DNAJC1: variants seen among roughly 807,000 people sequenced by gnomAD.
The protein encoded by DNAJC1 is dnaJ homolog subfamily C member 1.
A neutral mutation model predicts 76.6 loss-of-function variants in DNAJC1; 58 were observed. That is an observed-to-expected ratio of 0.76 (90% CI 0.61 to 0.94). DNAJC1 has a LOEUF of 0.94. Ranked by LOEUF, DNAJC1 falls within the 40% of genes least tolerant of loss-of-function variation. The probability of loss-of-function intolerance (pLI) is 0.00; values close to 1 mark genes in which losing one functional copy is unlikely to be tolerated. For missense variants in DNAJC1, 689 were observed against 677.3 expected, an observed-to-expected ratio of 1.02 and a Z score of -0.19; for synonymous variants, 258 against 267.9, an observed-to-expected ratio of 0.96 and a Z score of 0.36.
intron 6 of DNAJC1, among the ~76,000 whole-genome samples, chr10:21,905,190 T>A (rs77736302): frequency 1.3e-3 from 203 of 151,798 alleles, no homozygotes; most frequent in Non-Finnish European, 2.5e-3. Flanking sequence ...ATACATATAC[T>A]TAGGTGTCAA....
intron 8 of DNAJC1, among the ~76,000 whole-genome samples, chr10:21,835,765 A>T (rs1835441535): frequency 6.6e-6 from 1 of 152,164 alleles, no homozygotes; most frequent in African/African-American, 2.4e-5. Context: ...GCGAGAAGAG[A>T]AGTTTACATA....
At chr10:21,855,033 C>T (rs947937225) in intron 8 of DNAJC1, among the ~76,000 whole-genome samples, 2 of 152,060 alleles carry the variant, frequency 1.3e-5, no homozygotes, top group African/African-American at 4.8e-5. Flanking sequence ...ACCATAGTTC[C>T]ATTAATTCTT....
intron 3 of DNAJC1, among the ~76,000 whole-genome samples, chr10:21,925,185 T>G (rs1278135373): frequency 1.3e-5 from 2 of 152,086 alleles, no homozygotes; most frequent in African/African-American, 4.8e-5. Flanking sequence ...GTAATTTTTT[T>G]ATTTTTTGTA....
chr10:21,986,586 T>C (rs1433312546), intron 1 of DNAJC1, among the ~76,000 whole-genome samples: 1 of 152,150 alleles, frequency 6.6e-6, no homozygotes, highest in South Asian at 2.1e-4. Flanking sequence ...TTATTCTCTA[T>C]CTGGGATGAT....
chr10:21,892,111 T>C (rs1836471569), intron 7 of DNAJC1, among the ~76,000 whole-genome samples: 1 of 152,018 alleles, frequency 6.6e-6, no homozygotes, highest in Non-Finnish European at 1.5e-5. Context: ...ATGTTATGTA[T>C]ATATAACATA....
intron 1 of DNAJC1, among the ~76,000 whole-genome samples, chr10:21,956,558 T>C (rs1274208964): frequency 6.6e-6 from 1 of 150,718 alleles, no homozygotes; most frequent in African/African-American, 2.4e-5. Flanking sequence ...CACATACATA[T>C]ATAAATACAT....
At chr10:21,959,620 T>C (rs1309167013) in intron 1 of DNAJC1, among the ~76,000 whole-genome samples, 1 of 151,370 alleles carries the variant, frequency 6.6e-6, no homozygotes, top group Non-Finnish European at 1.5e-5. Flanking sequence ...ACTCTGTCTC[T>C]ACTGAAAATA....
chr10:21,849,110 C>G (rs1835707103), intron 8 of DNAJC1, among the ~76,000 whole-genome samples: 1 of 151,252 alleles, frequency 6.6e-6, no homozygotes, highest in Non-Finnish European at 1.5e-5. Context: ...GCCAACATGA[C>G]AAAACCCTGT....
Position 22,003,569 on chromosome 10 carries a change from G to A in DNAJC1, c.-135C>T. 2.7e-6 allele frequency: 3 copies of A among 1,114,142 alleles called. No individual in the cohort carries two copies. Among genetic ancestry groups the A allele is most frequent in the South Asian group, 3.1e-5 (1 of 31,904 alleles). 69.0% of individuals were successfully genotyped at this position (1,114,142 alleles called of 1,614,324 possible). ...GCAGGCGCACCGGAGCGGCCCGCCA[G>A]GTGGCTGGCCCCAGACAGAGCGCGG... On this transcript the variant is annotated 5_prime_UTR_variant, in exon 1 of 12. Coordinates refer to ENST00000376980, the MANE Select transcript of DNAJC1 (RefSeq NM_022365.4).
rs774119328 is a variant in DNAJC1 at position 21,904,639 on chromosome 10, T to G, written c.730-27A>C. The G allele has an allele frequency of 2.1e-6, 3 of 1,419,942 alleles. No homozygotes were observed. The South Asian group carries it at 3.7e-5, about 18-fold the overall frequency. The allele number at this position is 1,419,942 out of a possible 1,614,324, so 88.0% of individuals were successfully genotyped here. ...TTAAGAAAAAAAGTTATACATAAATTAACATAAAAATCAGTGTGCTTCAAT... is the reference window on the plus strand; with the variant it reads ...TTAAGAAAAAAAGTTATACATAAATGAACATAAAAATCAGTGTGCTTCAAT... On this transcript the variant is annotated intron_variant, in intron 6 of 11. Coordinates refer to ENST00000376980, the MANE Select transcript of DNAJC1 (RefSeq NM_022365.4).
At chr10:21,834,950 G>C (rs1835424988) in intron 8 of DNAJC1, among the ~76,000 whole-genome samples, 1 of 152,206 alleles carries the variant, frequency 6.6e-6, no homozygotes, top group South Asian at 2.1e-4. Context: ...AGACTTAAAT[G>C]TCCCACTCTG....
At chr10:21,871,827 G>GT (rs1836109523) in intron 8 of DNAJC1, among the ~76,000 whole-genome samples, 1 of 151,754 alleles carries the variant, frequency 6.6e-6, no homozygotes. Flanking sequence ...TAGAGAGAGG[G>GT]TTTCACCATG....
At position 21,878,504 on chromosome 10, in the gene DNAJC1, GT is replaced by G. The variant is rs1238546435; in HGVS notation, c.978+3777del. ...CCATGTACAGTAAGTAGTTGTGTATGTTTTGATAAGTTTTAACTTTTTATGA... is the reference window on the plus strand; with the variant it reads ...CCATGTACAGTAAGTAGTTGTGTATGTTTGATAAGTTTTAACTTTTTATGA... On this transcript the variant is annotated intron_variant, in intron 8 of 11. Coordinates refer to ENST00000376980, the MANE Select transcript of DNAJC1 (RefSeq NM_022365.4). 5.9e-5 allele frequency among the ~76,000 whole-genome samples: 9 copies of G among 152,200 alleles called. No homozygotes were observed. The East Asian group carries it at 1.5e-3, about 26-fold the overall frequency.
At chr10:21,941,283 A>AC (rs1837406791) in intron 1 of DNAJC1, among the ~76,000 whole-genome samples, 1 of 149,626 alleles carries the variant, frequency 6.7e-6, no homozygotes, top group Non-Finnish European at 1.5e-5. Context: ...AAAAAAAAAA[A>AC]AAAAAAAAAC....
intron 6 of DNAJC1, 127 bp downstream of exon 6, chr10:21,918,652 C>A: frequency 6.6e-6 from 4 of 608,130 alleles, no homozygotes; most frequent in East Asian, 2.9e-5. Flanking sequence ...TTATAAAAAT[C>A]CTACTCAATC....
At position 21,771,925 on chromosome 10, in the gene DNAJC1, G is replaced by A. The variant is rs577777755; in HGVS notation, c.1099-5616C>T. Among the ~76,000 whole-genome samples the A allele has an allele frequency of 8.5e-5, 13 of 152,220 alleles. No homozygotes were observed. The South Asian group carries it at 1.7e-3, about 19-fold the overall frequency. On this transcript the variant is annotated intron_variant, in intron 9 of 11. Coordinates refer to ENST00000376980, the MANE Select transcript of DNAJC1 (RefSeq NM_022365.4). ...CATGGTTAAATGCCACTTGATCATG[G>A]TAATAAATGTTTTTTGTTTGTTTGT... is the stretch of plus-strand genomic sequence containing the variant.
intron 9 of DNAJC1, among the ~76,000 whole-genome samples, chr10:21,798,246 A>G (rs774911013): frequency 7.2e-5 from 11 of 152,228 alleles, no homozygotes; most frequent in Non-Finnish European, 1.6e-4. Context: ...TGAAAGGACA[A>G]CTGAAATAGC....
chr10:21,965,731 CAT>C, intron 1 of DNAJC1, among the ~76,000 whole-genome samples: 1 of 152,300 alleles, frequency 6.6e-6, no homozygotes, highest in South Asian at 2.1e-4. Flanking sequence ...CACACCTCCC[CAT>C]ATATACGAGT....
At chr10:21,838,725 G>C (rs1452868698) in intron 8 of DNAJC1, among the ~76,000 whole-genome samples, 3 of 152,106 alleles carry the variant, frequency 2.0e-5, no homozygotes, top group East Asian at 3.9e-4. Context: ...CCCAGGAATT[G>C]AACTCAGCTC....
Sources: gnomAD v4.1 joint callset for allele counts (sites outside exome capture counted in the v4.1 genomes callset) on GRCh38, gnomAD v4.1.1 for gene constraint, MANE v1.5 for transcripts, NCBI Gene and HGNC (gene_info 2026-07-23, HGNC 2026-07-21) for gene names.